The following FRY variants were observed in gnomAD, a reference collection of about 807,000 sequenced individuals.
FRY encodes the protein protein furry homolog.
In FRY, 128 loss-of-function variants were observed where a neutral mutation model predicts 348.4. That is an observed-to-expected ratio of 0.37 (90% CI 0.32 to 0.43). The LOEUF is 0.43. FRY is among the 20% of genes least tolerant of loss of function. The pLI, the probability that FRY is intolerant of heterozygous loss-of-function variation, is 1.00. For missense variants in FRY, 2,736 were observed against 3,695.2 expected (o/e 0.74, Z 6.73); for synonymous variants, 1,370 against 1,374.7 (o/e 1.00, Z 0.08).
At chr13:32,078,423 A>C (rs1010361749) in intron 1 of FRY, among the ~76,000 whole-genome samples, 1 of 152,212 alleles carries the variant, frequency 6.6e-6, no homozygotes, top group East Asian at 1.9e-4. Flanking sequence ...CACAGAACAC[A>C]GAGAGCTCTT....
chr13:32,228,832 T>G (rs1885754203), intron 40 of FRY, among the ~76,000 whole-genome samples, 178 bp downstream of exon 40: 1 of 152,192 alleles, frequency 6.6e-6, no homozygotes, highest in Non-Finnish European at 1.5e-5. Flanking sequence ...AGAATTACAA[T>G]TTGTGAAAGG....
At chr13:32,280,116 C>T (rs545000141) in intron 58 of FRY, among the ~76,000 whole-genome samples, 16 of 152,146 alleles carry the variant, frequency 1.1e-4, no homozygotes, top group Admixed American at 3.3e-4. Flanking sequence ...AGCAGTTGCC[C>T]GTTCTATAGC....
chr13:32,192,453 C>T (rs1370844539), intron 28 of FRY, among the ~76,000 whole-genome samples: 1 of 152,040 alleles, frequency 6.6e-6, no homozygotes, highest in Non-Finnish European at 1.5e-5. Flanking sequence ...GCTGGGACTA[C>T]AGGCGCCCGC....
chr13:32,249,992 C>G (rs80267227), intron 49 of FRY, among the ~76,000 whole-genome samples: 32,270 of 152,244 alleles, frequency 0.21, 4,448 homozygotes, highest in Non-Finnish European at 0.31. Flanking sequence ...CCCTCTGCCA[C>G]TCTCCTAATG....
intron 34 of FRY, among the ~76,000 whole-genome samples, chr13:32,211,465 AAG>A (rs1248346670): frequency 6.6e-6 from 1 of 152,202 alleles, no homozygotes; most frequent in East Asian, 1.9e-4. Flanking sequence ...TCTCAAAAAA[AAG>A]AGAATAACTG....
intron 55 of FRY, among the ~76,000 whole-genome samples, chr13:32,270,368 C>T (rs1441411467): frequency 6.6e-6 from 1 of 152,106 alleles, no homozygotes; most frequent in East Asian, 1.9e-4. Context: ...CCACTACGCC[C>T]AGCTAATTTT....
chr13:32,178,382 C>G lies in FRY; in HGVS notation c.2627C>G (p.Ala876Gly), dbSNP rs764321407. Reference protein sequence around the residue: ...PKHCPTALSYAWPYAFTRLQS... With the variant: ...PKHCPTALSYGWPYAFTRLQS... Reference sequence around the variant, plus strand: ...CACTGCCCCACAGCCCTCAGCTATGCCTGGCCTTATGCCTTCACTCGGCTC... The same window carrying G: ...CACTGCCCCACAGCCCTCAGCTATGGCTGGCCTTATGCCTTCACTCGGCTC... Residue 876 changes from alanine to glycine, a missense_variant, in exon 21 of 61, where the codon GCC becomes GGC. Around this residue, in one of 9 missense-constraint regions of FRY, gnomAD observed 449 missense variants for 576.9 expected, o/e 0.78. Transcript: ENST00000542859. 3.1e-6 allele frequency: 5 copies of G among 1,614,142 alleles called. No homozygotes were observed. The highest frequency in any genetic ancestry group is 3.4e-6 in the Non-Finnish European group (4 of 1,179,968).
chr13:32,117,680 C>T (rs1878387825), intron 4 of FRY, among the ~76,000 whole-genome samples: 1 of 152,190 alleles, frequency 6.6e-6, no homozygotes, highest in African/African-American at 2.4e-5. Context: ...AATTCATACA[C>T]AGCTTTATTT....
chr13:32,074,521 C>T lies in FRY; in HGVS notation c.71-4313C>T, dbSNP rs113768843. 3.9e-3 allele frequency among the ~76,000 whole-genome samples: 593 copies of T among 152,024 alleles called. 3 individuals carry two copies. Among genetic ancestry groups the T allele is most frequent in the African/African-American group, 0.014 (568 of 41,444 alleles). ...TTAGAGACATTGAGCTGTTATATGA[C>T]GATAGAAAGGACGAAGGAAAGGAGA... On this transcript the variant is annotated intron_variant, in intron 1 of 60. Coordinates refer to ENST00000542859, the MANE Select transcript of FRY (RefSeq NM_023037.3).
intron 56 of FRY, among the ~76,000 whole-genome samples, chr13:32,275,482 C>A (rs548771538): frequency 6.6e-6 from 1 of 152,200 alleles, no homozygotes; most frequent in South Asian, 2.1e-4. Flanking sequence ...CTGCATATGG[C>A]CAGTCCAGGC....
chr13:32,096,369 G>A (rs1202705108), intron 2 of FRY, among the ~76,000 whole-genome samples: 4 of 151,554 alleles, frequency 2.6e-5, no homozygotes, highest in African/African-American at 9.7e-5. Flanking sequence ...TGGTGGGAAT[G>A]CTAACAAGAA....
intron 14 of FRY, among the ~76,000 whole-genome samples, chr13:32,152,275 A>G (rs1235251345): frequency 6.6e-6 from 1 of 152,212 alleles, no homozygotes; most frequent in Non-Finnish European, 1.5e-5. Context: ...GCTGATTCCA[A>G]AATTTATATG....
At chr13:32,269,821 T>C (rs1403813278) in intron 55 of FRY, among the ~76,000 whole-genome samples, 5 of 152,230 alleles carry the variant, frequency 3.3e-5, no homozygotes, top group African/African-American at 1.2e-4. Context: ...AACATAAAAG[T>C]GAACTCTGCT....
At chr13:32,163,991 T>C (rs1443015260) in intron 17 of FRY, among the ~76,000 whole-genome samples, 3 of 152,164 alleles carry the variant, frequency 2.0e-5, no homozygotes, top group Non-Finnish European at 2.9e-5. Flanking sequence ...GGGAAACCCA[T>C]GAAGGGACCT....
At chr13:32,051,010 A>G (rs763918521) in intron 1 of FRY, among the ~76,000 whole-genome samples, 2 of 152,234 alleles carry the variant, frequency 1.3e-5, no homozygotes, top group African/African-American at 4.8e-5. Context: ...AAAAGCAACA[A>G]TGAGGATTAT....
chr13:32,285,488 T>G (rs544519014), intron 58 of FRY, among the ~76,000 whole-genome samples: 39 of 152,344 alleles, frequency 2.6e-4, no homozygotes, highest in African/African-American at 9.1e-4. Flanking sequence ...TTTTGTGCCC[T>G]GAGAGCTGAG....
chr13:32,089,493 T>C (rs1295594908), intron 2 of FRY, among the ~76,000 whole-genome samples: 1 of 152,088 alleles, frequency 6.6e-6, no homozygotes, highest in Non-Finnish European at 1.5e-5. Context: ...GTGGGCACAG[T>C]GGCTCACACC....
At chr13:32,191,186 T>C (rs1301455487) in intron 28 of FRY, among the ~76,000 whole-genome samples, 1 of 152,208 alleles carries the variant, frequency 6.6e-6, no homozygotes, top group African/African-American at 2.4e-5. Flanking sequence ...ATTGTAGATC[T>C]AAATGTAACA....
At chr13:32,170,743 G>A (rs566033421) in intron 17 of FRY, among the ~76,000 whole-genome samples, 93 of 152,264 alleles carry the variant, frequency 6.1e-4, no homozygotes, top group Non-Finnish European at 1.5e-4. Flanking sequence ...CACCGTGTTA[G>A]CCAAGCTGTC....
Sources: allele counts gnomAD v4.1 joint callset (sites outside exome capture counted in the v4.1 genomes callset), GRCh38; gene constraint gnomAD v4.1.1; regional missense constraint gnomAD v4.1.1; transcripts MANE v1.5; gene names NCBI Gene and HGNC (gene_info 2026-07-23, HGNC 2026-07-21).